Variants in KPNA1 observed in about 807,000 individuals in gnomAD.
KPNA1 encodes the protein importin subunit alpha-5.
KPNA1 carries 10 observed loss-of-function variants against 70.5 expected under a neutral mutation model. The observed-to-expected ratio is 0.14, with a 90% confidence interval of 0.09 to 0.24. The LOEUF (loss-of-function observed/expected upper bound fraction) is 0.24, where lower values mean the gene tolerates loss of function less well. Ranked by LOEUF, KPNA1 falls within the 10% of genes least tolerant of loss-of-function variation. The pLI is 1.00. For missense variants in KPNA1, 397 were observed against 637.9 expected, an observed-to-expected ratio of 0.62 and a Z score of 4.07; for synonymous variants, 192 against 221.9, an observed-to-expected ratio of 0.87 and a Z score of 1.20.
intron 1 of KPNA1, among the ~76,000 whole-genome samples, chr3:122,505,499 T>C (rs1474534387): frequency 6.6e-6 from 1 of 152,186 alleles, no homozygotes. Flanking sequence ...TAGTTTATCC[T>C]AAGCAAATAT....
rs368933672 is a variant in KPNA1 at position 122,433,605 on chromosome 3, T to C, written c.1250+56A>G. The C allele has an allele frequency of 7.9e-5, 115 of 1,464,916 alleles. No homozygotes were observed. The African/African-American group carries it at 1.0e-3, about 13-fold the overall frequency. 90.7% of individuals were successfully genotyped at this position (1,464,916 alleles called of 1,614,324 possible). A position where few individuals can be genotyped will look rare whatever the true frequency, so the allele number is the denominator to read the frequency against. On this transcript the variant is annotated intron_variant, in intron 12 of 13. Coordinates refer to ENST00000344337, the MANE Select transcript of KPNA1 (RefSeq NM_002264.4). The stretch of plus-strand genomic sequence containing the variant: ...TAATATGTGGGAGGTTATAAAGTGA[T>C]AGACACAATAATAATTTTTCTTTAA...
chr3:122,498,887 G>A (rs916806583), intron 1 of KPNA1, among the ~76,000 whole-genome samples: 5 of 152,136 alleles, frequency 3.3e-5, no homozygotes, highest in Non-Finnish European at 4.4e-5. Context: ...TTTAAGATAG[G>A]AGCTCTATTT....
chr3:122,503,468 T>C (rs936590058), intron 1 of KPNA1, among the ~76,000 whole-genome samples: 1 of 152,212 alleles, frequency 6.6e-6, no homozygotes, highest in South Asian at 2.1e-4. Context: ...TAAAGTGTCA[T>C]AGGCAGCAAG....
intron 3 of KPNA1, among the ~76,000 whole-genome samples, chr3:122,465,672 C>T (rs530837566): frequency 4.6e-5 from 7 of 152,280 alleles, no homozygotes; most frequent in African/African-American, 1.7e-4. Context: ...GAAGCCAAGG[C>T]GGGTGGATCA....
intron 1 of KPNA1, among the ~76,000 whole-genome samples, chr3:122,509,884 C>A (rs1576354589): frequency 6.6e-6 from 1 of 152,222 alleles, no homozygotes; most frequent in East Asian, 1.9e-4. Flanking sequence ...TTATAAAGGT[C>A]CATGGAATGC....
intron 2 of KPNA1, among the ~76,000 whole-genome samples, chr3:122,490,123 GCATTCTGCTGA>G (rs2076680773): frequency 6.6e-6 from 1 of 152,198 alleles, no homozygotes; most frequent in South Asian, 2.1e-4. Flanking sequence ...GTGCTAATCA[GCATTCTGCTGA>G]ATATCTGAGG....
At chr3:122,464,309 C>T (rs973715529) in intron 3 of KPNA1, 9 of 313,204 alleles carry the variant, frequency 2.9e-5, no homozygotes, top group Admixed American at 9.8e-5. Flanking sequence ...CCCCTCCTTG[C>T]TCATCACATA....
rs1039105254 is a variant in KPNA1 at position 122,453,466 on chromosome 3, A to G, written c.564+404T>C. Among the ~76,000 whole-genome samples, 9 of 152,180 alleles carry G rather than the reference A, an allele frequency of 5.9e-5. No individual in the cohort carries two copies. In the South Asian group the frequency reaches 1.0e-3, roughly 18 times the overall value. ...TTTGTGACAATCCATAGATTACCAA[A>G]GCCAACTGGTGAAACTCAGCCCCTT... On this transcript the variant is annotated intron_variant, in intron 6 of 13. Transcript: ENST00000344337.
intron 1 of KPNA1, among the ~76,000 whole-genome samples, chr3:122,514,279 C>T (rs116400972): frequency 0.084 from 12,730 of 152,088 alleles, 621 homozygotes; most frequent in Admixed American, 0.13. Context: ...TGTGAATTCC[C>T]AAGACGGTCC....
chr3:122,477,788 T>G (rs2076519424), intron 2 of KPNA1, among the ~76,000 whole-genome samples: 1 of 151,808 alleles, frequency 6.6e-6, no homozygotes, highest in African/African-American at 2.4e-5. Flanking sequence ...CCACAATATA[T>G]ACATATTTCA....
chr3:122,433,680 C>G lies in KPNA1; in HGVS notation c.1231G>C (p.Gly411Arg). The change falls in exon 12 of 14, where the codon GGA becomes CGA. Residue 411 changes from glycine to arginine, a missense_variant. Gly to Arg is a moderately radical substitution (Grantham distance 125). Coordinates refer to ENST00000344337, the MANE Select transcript of KPNA1 (RefSeq NM_002264.4). ...ACTTACTTGATCTGTTCAGCTGATC[C>G]TCCAGAAGTTGCATTTGTGATGGCC... Reference protein sequence around the residue: ...AWAITNATSGGSAEQIKYLVE... With the variant: ...AWAITNATSGRSAEQIKYLVE... 1 of 1,607,934 alleles carries G rather than the reference C, an allele frequency of 6.2e-7. No homozygotes were observed. The highest frequency in any genetic ancestry group is 8.5e-7 in the Non-Finnish European group (1 of 1,178,564).
chr3:122,460,763 C>G (rs573500538), intron 5 of KPNA1: 16 of 705,666 alleles, frequency 2.3e-5, no homozygotes, highest in Non-Finnish European at 2.8e-5. Context: ...ACACAGATTC[C>G]TGACAAAGTT....
chr3:122,425,407 A>C lies in KPNA1; in HGVS notation c.*1578T>G, dbSNP rs1393003470. ...ATGAATTCTAGAAGAGGACAAGTCTAAAAAGGTTTAAAAGGGTATGCTCTG... is the reference window on the plus strand; with the variant it reads ...ATGAATTCTAGAAGAGGACAAGTCTCAAAAGGTTTAAAAGGGTATGCTCTG... On this transcript the variant is annotated 3_prime_UTR_variant, in exon 14 of 14. Coordinates refer to ENST00000344337, the MANE Select transcript of KPNA1 (RefSeq NM_002264.4). 1 of 152,642 alleles carries C rather than the reference A, an allele frequency of 6.6e-6. No homozygotes were observed. The highest frequency in any genetic ancestry group is 2.4e-5 in the African/African-American group (1 of 41,458). 9.5% of individuals were successfully genotyped at this position (152,642 alleles called of 1,614,324 possible).
chr3:122,473,850 A>C (rs2076469550), intron 2 of KPNA1, among the ~76,000 whole-genome samples: 1 of 152,214 alleles, frequency 6.6e-6, no homozygotes, highest in Non-Finnish European at 1.5e-5. Flanking sequence ...TGCAAGTCCT[A>C]ATGAATGCAG....
intron 2 of KPNA1, among the ~76,000 whole-genome samples, chr3:122,477,535 AC>A (rs2076516755): frequency 6.6e-6 from 1 of 152,126 alleles, no homozygotes; most frequent in Admixed American, 6.5e-5. Context: ...CCCTGCCTCT[AC>A]AAAAAAGCAA....
chr3:122,500,110 T>G (rs2076809652), intron 1 of KPNA1, among the ~76,000 whole-genome samples: 1 of 151,830 alleles, frequency 6.6e-6, no homozygotes, highest in Admixed American at 6.6e-5. Context: ...GATACAACTG[T>G]TTTTTTGTTG....
chr3:122,495,262 C>CA lies in KPNA1; in HGVS notation c.129+1174dup, dbSNP rs748751423. Among the ~76,000 whole-genome samples the CA allele has an allele frequency of 1.3e-3, 113 of 86,456 alleles. 1 individual carries two copies. Among genetic ancestry groups the CA allele is most frequent in the South Asian group, 3.8e-3 (10 of 2,600 alleles). 56.7% of individuals were successfully genotyped at this position (86,456 alleles called of 152,430 possible). A position where few individuals can be genotyped will look rare whatever the true frequency, so the allele number is the denominator to read the frequency against. ...GAGCGAGACTCTGCCTCAAACAAAC[C>CA]AAAAAAAAAAAAAGAAAAGGAAATT... On this transcript the variant is annotated intron_variant, in intron 2 of 13. Transcript: ENST00000344337.
At chr3:122,462,881 AG>A (rs2076339678) in intron 4 of KPNA1, among the ~76,000 whole-genome samples, 1 of 152,172 alleles carries the variant, frequency 6.6e-6, no homozygotes, top group Admixed American at 6.5e-5. Flanking sequence ...TTACTTGCCC[AG>A]GTTGATAACA....
At chr3:122,430,660 G>C (rs191801582) in intron 12 of KPNA1, among the ~76,000 whole-genome samples, 30 of 151,974 alleles carry the variant, frequency 2.0e-4, no homozygotes, top group Admixed American at 6.5e-4. Context: ...CACACAAAAA[G>C]AATAGAAAGC....
Sources: allele counts gnomAD v4.1 joint callset (sites outside exome capture counted in the v4.1 genomes callset), GRCh38; gene constraint gnomAD v4.1.1; transcripts MANE v1.5; gene names NCBI Gene and HGNC (gene_info 2026-07-23, HGNC 2026-07-21).